DPP6: variants seen among roughly 807,000 people sequenced by gnomAD.
DPP6 encodes the protein dipeptidyl peptidase like 6.
DPP6 carries 69 observed loss-of-function variants against 122.6 expected under a neutral mutation model. The ratio of observed to expected loss-of-function variants is 0.56; its 90% CI spans 0.46 to 0.69. The LOEUF (loss-of-function observed/expected upper bound fraction) is 0.69. Ranked by LOEUF, DPP6 falls within the 30% of genes least tolerant of loss-of-function variation. The pLI, the probability that DPP6 is intolerant of heterozygous loss-of-function variation, is 0.00. For synonymous variants in DPP6, 418 were observed against 433.1 expected (o/e 0.97, Z 0.43); for missense variants, 928 against 1,116.9 (o/e 0.83, Z 2.41).
intron 1 of DPP6, among the ~76,000 whole-genome samples, chr7:154,136,795 C>T (rs529934296): frequency 6.6e-6 from 1 of 152,314 alleles, no homozygotes; most frequent in South Asian, 2.1e-4. Context: ...AGGTAGAGTT[C>T]TGGAAAACAT....
chr7:154,580,739 TC>T (rs1400039298), intron 5 of DPP6, among the ~76,000 whole-genome samples: 1 of 151,942 alleles, frequency 6.6e-6, no homozygotes, highest in African/African-American at 2.4e-5. Context: ...GAGAGGAGGA[TC>T]CGGGGTGAAG....
At chr7:154,243,222 T>G (rs1407909507) in intron 1 of DPP6, among the ~76,000 whole-genome samples, 1 of 152,096 alleles carries the variant, frequency 6.6e-6, no homozygotes, top group Non-Finnish European at 1.5e-5. Context: ...AGAATAAAAT[T>G]TTTTTAAAAA....
chr7:154,248,020 T>G (rs925918557), intron 1 of DPP6, among the ~76,000 whole-genome samples: 1 of 152,080 alleles, frequency 6.6e-6, no homozygotes, highest in Non-Finnish European at 1.5e-5. Context: ...GAGACCAGGG[T>G]GTCAGCATGG....
At chr7:153,851,396 T>C in the DPP6 span, among the ~76,000 whole-genome samples, 2 of 152,178 alleles carry the variant, frequency 1.3e-5, no homozygotes, top group Admixed American at 6.5e-5. Flanking sequence ...TGATTAAGTA[T>C]AGAATTCTTG....
At chr7:154,864,239 A>G (rs1803667931) in intron 17 of DPP6, among the ~76,000 whole-genome samples, 1 of 152,194 alleles carries the variant, frequency 6.6e-6, no homozygotes, top group Non-Finnish European at 1.5e-5. Context: ...ATTGGTGTTC[A>G]TTGGATCTGG....
chr7:153,815,305 T>C, the DPP6 span, among the ~76,000 whole-genome samples: 1 of 152,150 alleles, frequency 6.6e-6, no homozygotes, highest in Admixed American at 6.5e-5. Flanking sequence ...AGCATTCTTA[T>C]ACACCAGTAA....
At chr7:153,847,939 T>C in the DPP6 span, among the ~76,000 whole-genome samples, 1 of 152,218 alleles carries the variant, frequency 6.6e-6, no homozygotes, top group African/African-American at 2.4e-5. Flanking sequence ...CTCTGTTACC[T>C]AAAGCCAACA....
intron 3 of DPP6, among the ~76,000 whole-genome samples, chr7:154,484,289 T>C (rs1252508549): frequency 1.3e-5 from 2 of 152,196 alleles, no homozygotes; most frequent in Non-Finnish European, 2.9e-5. Context: ...TAACAGAATT[T>C]GTCACTCTGC....
At chr7:153,762,758 C>A in the DPP6 span, among the ~76,000 whole-genome samples, 1 of 151,960 alleles carries the variant, frequency 6.6e-6, no homozygotes, top group Non-Finnish European at 1.5e-5. Context: ...CCAGCTTGGG[C>A]AACAGGAGCG....
Position 154,168,353 on chromosome 7 carries a change from A to C in DPP6, c.243+115290A>C, listed in dbSNP as rs369999287. 2.2e-4 allele frequency among the ~76,000 whole-genome samples: 33 copies of C among 152,368 alleles called. 1 individual carries two copies. In the East Asian group the frequency reaches 3.5e-3, roughly 16 times the overall value. ...CAGGGCCACAGAGACAGACAGACACATAAACGCATTGATCACCCTGCTAGG... is the reference window on the plus strand; with the variant it reads ...CAGGGCCACAGAGACAGACAGACACCTAAACGCATTGATCACCCTGCTAGG... On this transcript the variant is annotated intron_variant, in intron 1 of 25. Transcript: ENST00000377770.
chr7:153,985,620 T>C (rs1455393918), intron 1 of DPP6, among the ~76,000 whole-genome samples: 1 of 152,198 alleles, frequency 6.6e-6, no homozygotes, highest in Non-Finnish European at 1.5e-5. Context: ...TTGTACTCAG[T>C]AGATTATATT....
chr7:154,065,471 G>A (rs1195030254), intron 1 of DPP6, among the ~76,000 whole-genome samples: 1 of 151,580 alleles, frequency 6.6e-6, no homozygotes, highest in Admixed American at 6.6e-5. Flanking sequence ...AACAGGAAGG[G>A]CCCAAGGAAA....
chr7:154,752,752 A>T (rs1843457865), intron 8 of DPP6, among the ~76,000 whole-genome samples: 1 of 152,180 alleles, frequency 6.6e-6, no homozygotes, highest in African/African-American at 2.4e-5. Context: ...CTGTTCTAGG[A>T]TGTGGATGGC....
intron 10 of DPP6, among the ~76,000 whole-genome samples, chr7:154,780,907 G>A (rs1358969757): frequency 6.6e-6 from 1 of 152,088 alleles, no homozygotes; most frequent in Admixed American, 6.6e-5. Flanking sequence ...AATGCATGAT[G>A]GATGGGTAAG....
At chr7:154,058,081 G>A (rs866939840) in intron 1 of DPP6, 3 of 75,508 alleles carry the variant, frequency 4.0e-5, no homozygotes, top group Admixed American at 2.9e-4. Context: ...CATTGCGGGT[G>A]GAGGGAGGCA....
At chr7:154,858,029 A>G (rs965454411) in intron 17 of DPP6, among the ~76,000 whole-genome samples, 5 of 152,146 alleles carry the variant, frequency 3.3e-5, no homozygotes, top group African/African-American at 1.2e-4. Context: ...CACCACTTGT[A>G]CTTGTTCCAT....
chr7:154,414,353 A>G (rs1393369184), intron 1 of DPP6, among the ~76,000 whole-genome samples: 1 of 152,212 alleles, frequency 6.6e-6, no homozygotes, highest in Non-Finnish European at 1.5e-5. Flanking sequence ...TTCTTTCAAG[A>G]TACATAGTGT....
chr7:154,005,711 G>T (rs1797885268), intron 1 of DPP6, among the ~76,000 whole-genome samples: 1 of 148,372 alleles, frequency 6.7e-6, no homozygotes, highest in African/African-American at 2.5e-5. Context: ...GGGGGGCTGT[G>T]GGGGCTGGGG....
At chr7:154,745,516 G>C (rs1017935557) in intron 8 of DPP6, among the ~76,000 whole-genome samples, 1 of 152,166 alleles carries the variant, frequency 6.6e-6, no homozygotes, top group Non-Finnish European at 1.5e-5. Flanking sequence ...TGGACACAGG[G>C]TGTGTCTTAG....
Sources: gnomAD v4.1 joint callset for allele counts (sites outside exome capture counted in the v4.1 genomes callset) on GRCh38, gnomAD v4.1.1 for gene constraint, MANE v1.5 for transcripts, NCBI Gene and HGNC (gene_info 2026-07-23, HGNC 2026-07-21) for gene names.